The following ARHGAP26 variants were observed in gnomAD, a reference collection of about 807,000 sequenced individuals.
The protein encoded by ARHGAP26 is Rho GTPase activating protein 26, also known as rho GTPase-activating protein 26.
A neutral mutation model predicts 104.8 loss-of-function variants in ARHGAP26; 38 were observed. The ratio of observed to expected loss-of-function variants is 0.36; its 90% CI spans 0.28 to 0.48. The LOEUF (loss-of-function observed/expected upper bound fraction) is 0.48. ARHGAP26 is among the 20% of genes least tolerant of loss of function. The probability of loss-of-function intolerance (pLI) is 0.99; values close to 1 mark genes in which losing one functional copy is unlikely to be tolerated. For missense variants in ARHGAP26, 704 were observed against 947.9 expected (o/e 0.74, Z 3.38); for synonymous variants, 341 against 340.0 (o/e 1.00, Z -0.03).
chr5:143,199,040 C>T (rs1179523581), intron 20 of ARHGAP26, among the ~76,000 whole-genome samples: 1 of 152,148 alleles, frequency 6.6e-6, no homozygotes, highest in Non-Finnish European at 1.5e-5. Context: ...AAATGCATTT[C>T]CCTATTATTG....
intron 20 of ARHGAP26, among the ~76,000 whole-genome samples, chr5:143,151,510 G>C (rs936381707): frequency 6.6e-6 from 1 of 152,162 alleles, no homozygotes. Flanking sequence ...GCCAAAACTT[G>C]GGAAGCAACC....
At chr5:143,213,746 A>G (rs1251095415) in intron 21 of ARHGAP26, among the ~76,000 whole-genome samples, 1 of 152,188 alleles carries the variant, frequency 6.6e-6, no homozygotes, top group African/African-American at 2.4e-5. Context: ...AAGTTTTAAC[A>G]TGGCACAAGG....
chr5:143,206,983 G>A (rs1296001767), intron 20 of ARHGAP26, among the ~76,000 whole-genome samples: 2 of 152,206 alleles, frequency 1.3e-5, no homozygotes, highest in African/African-American at 4.8e-5. Context: ...GCAGGGCAAA[G>A]CCTGTTTATA....
intron 21 of ARHGAP26, among the ~76,000 whole-genome samples, chr5:143,209,565 G>A (rs560323355): frequency 3.9e-5 from 6 of 152,238 alleles, no homozygotes; most frequent in Non-Finnish European, 5.9e-5. Flanking sequence ...GAGATCACCC[G>A]AGGTGAGGAG....
intron 14 of ARHGAP26, among the ~76,000 whole-genome samples, chr5:143,047,045 C>T (rs1448616165): frequency 6.6e-6 from 1 of 152,180 alleles, no homozygotes; most frequent in Non-Finnish European, 1.5e-5. Flanking sequence ...TGTCTATTGT[C>T]ACATGTCATT....
chr5:143,117,262 C>A (rs923773617), intron 17 of ARHGAP26, among the ~76,000 whole-genome samples: 1 of 152,178 alleles, frequency 6.6e-6, no homozygotes. Flanking sequence ...GAACGAGTCC[C>A]GTGGCCTCTG....
At chr5:143,125,812 C>G (rs191983191) in intron 18 of ARHGAP26, among the ~76,000 whole-genome samples, 2 of 152,304 alleles carry the variant, frequency 1.3e-5, no homozygotes, top group African/African-American at 4.8e-5. Context: ...ATCCATCATT[C>G]AATTTTCACA....
rs199986817 is a variant in ARHGAP26, at chr5:143,041,810, C to T, written c.1211-6C>T. 5 of 1,604,598 alleles carry T rather than the reference C, an allele frequency of 3.1e-6. No homozygotes were observed. Among genetic ancestry groups the T allele is most frequent in the Non-Finnish European group, 4.3e-6 (5 of 1,175,162 alleles). The stretch of plus-strand genomic sequence containing the variant: ...CTAATTAAATCATCACTGTTTCTTT[C>T]CTCAGGGATCAACGAGCAAGGGCTG... On this transcript the variant is annotated splice_polypyrimidine_tract_variant and splice_region_variant and intron_variant, in intron 13 of 22. Transcript: ENST00000645722.
intron 4 of ARHGAP26, 57 bp from the exon 5 acceptor site, chr5:142,885,241 G>T: frequency 6.9e-7 from 1 of 1,442,558 alleles, no homozygotes. Flanking sequence ...GATGGAGGCT[G>T]CTTTTATTCC....
At chr5:143,169,229 T>C (rs1380031979) in intron 20 of ARHGAP26, among the ~76,000 whole-genome samples, 1 of 152,258 alleles carries the variant, frequency 6.6e-6, no homozygotes, top group African/African-American at 2.4e-5. Context: ...TTCAAGACCC[T>C]GTATGTCAGC....
chr5:142,934,616 C>T (rs914607795), intron 11 of ARHGAP26, among the ~76,000 whole-genome samples: 17 of 152,160 alleles, frequency 1.1e-4, no homozygotes, highest in Admixed American at 2.0e-4. Context: ...AATCTGTCCC[C>T]GTGGGAGCTT....
chr5:143,037,500 A>G (rs1381234368), intron 13 of ARHGAP26, among the ~76,000 whole-genome samples: 1 of 152,252 alleles, frequency 6.6e-6, no homozygotes, highest in Non-Finnish European at 1.5e-5. Flanking sequence ...GTATGATTAT[A>G]GAAACCAGTT....
intron 1 of ARHGAP26, among the ~76,000 whole-genome samples, chr5:142,866,426 C>T (rs539014528): frequency 1.2e-4 from 19 of 152,158 alleles, no homozygotes; most frequent in Non-Finnish European, 2.6e-4. Flanking sequence ...GTAATAATAT[C>T]TACTCAACAG....
chr5:143,165,940 A>G lies in ARHGAP26; in HGVS notation c.1988+18559A>G, dbSNP rs1215061517. ...TAGGATGAAATGAAATAGTTCATGT[A>G]GAGCACTTTGCATGGCTTCTGGCTC... On this transcript the variant is annotated intron_variant, in intron 20 of 22. Coordinates refer to ENST00000645722, the MANE Select transcript of ARHGAP26 (RefSeq NM_001135608.3). The G allele has an allele frequency of 5.5e-6, 5 of 906,632 alleles. No individual in the cohort carries two copies. In the Admixed American group the frequency reaches 1.3e-4, roughly 23 times the overall value. The allele number at this position is 906,632 out of a possible 1,614,324, so 56.2% of individuals were successfully genotyped here. A position where few individuals can be genotyped will look rare whatever the true frequency, so the allele number is the denominator to read the frequency against.
chr5:143,011,742 A>T (rs533192609), intron 11 of ARHGAP26, among the ~76,000 whole-genome samples: 1 of 152,318 alleles, frequency 6.6e-6, no homozygotes, highest in East Asian at 1.9e-4. Context: ...GATGATAAAG[A>T]TGCTGCTGAG....
chr5:143,162,315 A>G lies in ARHGAP26; in HGVS notation c.1988+14934A>G, dbSNP rs532771376. 2.7e-5 allele frequency among the ~76,000 whole-genome samples: 4 copies of G among 150,268 alleles called. No individual in the cohort carries two copies. In the East Asian group the frequency reaches 7.9e-4, roughly 30 times the overall value. On this transcript the variant is annotated intron_variant, in intron 20 of 22. Coordinates refer to ENST00000645722, the MANE Select transcript of ARHGAP26 (RefSeq NM_001135608.3). The stretch of plus-strand genomic sequence containing the variant: ...CACACACACACACACACACACACGC[A>G]ATCCCCTTTCCCATTTTTCCCTTGA...
chr5:142,851,868 A>C (rs951486900), intron 1 of ARHGAP26, among the ~76,000 whole-genome samples: 1 of 152,150 alleles, frequency 6.6e-6, no homozygotes, highest in Non-Finnish European at 1.5e-5. Context: ...ACACTTTGTC[A>C]TACAGAGGTC....
At chr5:142,919,189 T>C (rs1438812725) in intron 10 of ARHGAP26, 3 of 398,460 alleles carry the variant, frequency 7.5e-6, no homozygotes, top group African/African-American at 4.1e-5. Context: ...TAATGCGATA[T>C]TACCATTGTC....
intron 11 of ARHGAP26, chr5:142,969,225 G>A (rs550116555): frequency 3.9e-5 from 6 of 152,336 alleles, no homozygotes; most frequent in African/African-American, 1.4e-4. Context: ...ACAGGTATGA[G>A]CCACCATGCC....
Sources: allele counts gnomAD v4.1 joint callset (sites outside exome capture counted in the v4.1 genomes callset), GRCh38; gene constraint gnomAD v4.1.1; transcripts MANE v1.5; gene names NCBI Gene and HGNC (gene_info 2026-07-23, HGNC 2026-07-21).